RFX1: variants seen among roughly 807,000 people sequenced by gnomAD.
RFX1 encodes the protein MHC class II regulatory factor RFX1.
In RFX1, 42 loss-of-function variants were observed where a neutral mutation model predicts 119.6. The ratio of observed to expected loss-of-function variants is 0.35; its 90% CI spans 0.27 to 0.45. The LOEUF (loss-of-function observed/expected upper bound fraction) is 0.45. Ranked by LOEUF, RFX1 falls within the 20% of genes least tolerant of loss-of-function variation. The probability of loss-of-function intolerance (pLI) is 1.00; values close to 1 mark genes in which losing one functional copy is unlikely to be tolerated. For synonymous variants in RFX1, 628 were observed against 618.5 expected (o/e 1.02, Z -0.23); for missense variants, 1,118 against 1,368.1 (o/e 0.82, Z 2.88).
rs1973712326 is a variant in RFX1 at position 13,962,350 on chromosome 19, C to A, written c.*345G>T. On this transcript the variant is annotated 3_prime_UTR_variant, in exon 21 of 21. Coordinates refer to ENST00000254325, the MANE Select transcript of RFX1 (RefSeq NM_002918.5). The stretch of plus-strand genomic sequence containing the variant: ...TTAACAGTTTCGCACGGGAGGGGGC[C>A]TGCCTGCCTGCCCCCTGGGGTGGTG... 5.8e-6 allele frequency: 2 copies of A among 341,926 alleles called. No homozygotes were observed. The highest frequency in any genetic ancestry group is 1.1e-5 in the Non-Finnish European group (2 of 186,100). 21.2% of individuals were successfully genotyped at this position (341,926 alleles called of 1,614,324 possible).
chr19:13,985,623 T>C lies in RFX1; in HGVS notation c.320-2028A>G, dbSNP rs1465760400. Among the ~76,000 whole-genome samples the C allele has an allele frequency of 6.6e-6, 1 of 152,154 alleles. No homozygotes were observed. The highest frequency in any genetic ancestry group is 1.5e-5 in the Non-Finnish European group (1 of 68,006). ...GGGCCCACACGAACCTCATACCACA[T>C]ATGGAACCGGAGTCACTGGTTCTGC... On this transcript the variant is annotated intron_variant, in intron 2 of 20. Transcript: ENST00000254325. This position sits in a 1 kb window ranked among gnomAD's most constrained non-coding sequence, Gnocchi z 4.3.
chr19:13,984,851 C>T (rs1974543740), intron 2 of RFX1, among the ~76,000 whole-genome samples: 1 of 152,180 alleles, frequency 6.6e-6, no homozygotes. Flanking sequence ...CTCTGGACAG[C>T]CAGAGATAGA....
intron 1 of RFX1, among the ~76,000 whole-genome samples, chr19:13,994,931 T>TAAAA (rs1555756382): frequency 5.2e-4 from 59 of 114,562 alleles, no homozygotes; most frequent in African/African-American, 2.0e-3. Context: ...TATATATATA[T>TAAAA]ATATATAATC....
intron 1 of RFX1, among the ~76,000 whole-genome samples, chr19:13,995,885 G>A (rs557350585): frequency 2.0e-5 from 3 of 147,756 alleles, no homozygotes; most frequent in East Asian, 3.9e-4. Flanking sequence ...AAAATTAAAC[G>A]GGAGTGGTGG....
At position 13,979,588 on chromosome 19, in the gene RFX1, C is replaced by G. The variant is rs756646205; in HGVS notation, c.739-46G>C. On this transcript the variant is annotated intron_variant, in intron 6 of 20. Coordinates refer to ENST00000254325, the MANE Select transcript of RFX1 (RefSeq NM_002918.5). ...ATAAGATGACCATGGCAACGATGGC[C>G]GTCAACCTACCCAGCCCCTGCACAG... 26 of 1,394,970 alleles carry G rather than the reference C, an allele frequency of 1.9e-5. No homozygotes were observed. The South Asian group carries it at 3.2e-4, about 17-fold the overall frequency. The allele number at this position is 1,394,970 out of a possible 1,614,324, so 86.4% of individuals were successfully genotyped here.
intron 8 of RFX1, among the ~76,000 whole-genome samples, chr19:13,975,376 A>T (rs555270926): frequency 1.3e-5 from 2 of 152,090 alleles, no homozygotes; most frequent in South Asian, 4.2e-4. Context: ...AAAAAAAAAA[A>T]AATTAAACAT....
chr19:14,001,427 A>G (rs751757057), intron 1 of RFX1, among the ~76,000 whole-genome samples: 20 of 152,078 alleles, frequency 1.3e-4, no homozygotes, highest in Non-Finnish European at 2.5e-4. Flanking sequence ...CAGCCTCCAC[A>G]GTATATGGGA....
Position 13,980,723 on chromosome 19 carries a change from G to A in RFX1, c.622-34C>T, listed in dbSNP as rs1030856985. 9.9e-6 allele frequency: 15 copies of A among 1,510,298 alleles called. No individual in the cohort carries two copies. Among genetic ancestry groups the A allele is most frequent in the Non-Finnish European group, 1.4e-5 (15 of 1,103,672 alleles). 93.6% of individuals were successfully genotyped at this position (1,510,298 alleles called of 1,614,324 possible). ...GAAGGAGACACAGGAGTGCCGCTGG[G>A]GTGGGCTTGCATCCTCTCTGAGGTG... On this transcript the variant is annotated intron_variant, in intron 5 of 20. Coordinates refer to ENST00000254325, the MANE Select transcript of RFX1 (RefSeq NM_002918.5). The surrounding 1 kb of genome is among the most constrained non-coding windows in gnomAD (Gnocchi z 5.1).
intron 8 of RFX1, among the ~76,000 whole-genome samples, chr19:13,975,353 C>T (rs1414232096): frequency 6.7e-6 from 1 of 148,238 alleles, no homozygotes; most frequent in Admixed American, 6.7e-5. Context: ...AAGAGGGAAA[C>T]TCTATCTCAA....
Position 13,969,988 on chromosome 19 carries a change from C to T in RFX1, c.1496+6G>A, listed in dbSNP as rs774836575. On this transcript the variant is annotated splice_donor_region_variant and intron_variant, in intron 10 of 20. Coordinates refer to ENST00000254325, the MANE Select transcript of RFX1 (RefSeq NM_002918.5). This position sits in a 1 kb window ranked among gnomAD's most constrained non-coding sequence, Gnocchi z 4.5. Reference sequence around the variant, plus strand: ...GGGACTGCTGGGAGTAGACGGATGGCCCTACCTGGTGCCCAGACGGCGGGT... The same window carrying T: ...GGGACTGCTGGGAGTAGACGGATGGTCCTACCTGGTGCCCAGACGGCGGGT... 1.9e-6 allele frequency: 3 copies of T among 1,604,532 alleles called. No individual in the cohort carries two copies. Among genetic ancestry groups the T allele is most frequent in the Admixed American group, 3.4e-5 (2 of 59,428 alleles).
chr19:13,996,602 C>T (rs560713363), intron 1 of RFX1, among the ~76,000 whole-genome samples: 2 of 152,202 alleles, frequency 1.3e-5, no homozygotes, highest in South Asian at 4.1e-4. Flanking sequence ...GAGGGGTAGG[C>T]TGCTGAAAGC....
Position 13,973,092 on chromosome 19 carries a change from A to C in RFX1, c.965T>G (p.Leu322Arg). The C allele has an allele frequency of 6.3e-7, 1 of 1,599,680 alleles. No homozygotes were observed. The highest frequency in any genetic ancestry group is 8.5e-7 in the Non-Finnish European group (1 of 1,179,548). ...SSTYSYPETP[L>R]YTQTASTSYY... The stretch of plus-strand genomic sequence containing the variant: ...GCTGGTGCTTGCCGTCTGCGTGTAC[A>C]GCGGCGTCTCGGGATAGGAGTAGGT... Residue 322 changes from leucine (L) to arginine (R), a missense_variant, in exon 9 of 21, where the codon CTG becomes CGG. Leu to Arg is a moderately radical substitution (Grantham distance 102). Around this residue, in one of 5 missense-constraint regions of RFX1, gnomAD observed 542 missense variants for 602.7 expected, o/e 0.90. Coordinates refer to ENST00000254325, the MANE Select transcript of RFX1 (RefSeq NM_002918.5).
Position 13,968,509 on chromosome 19 carries a change from G to GTC in RFX1, c.1732+54_1732+55dup, listed in dbSNP as rs1015443052. On this transcript the variant is annotated intron_variant, in intron 12 of 20. Coordinates refer to ENST00000254325, the MANE Select transcript of RFX1 (RefSeq NM_002918.5). This position sits in a 1 kb window ranked among gnomAD's most constrained non-coding sequence, Gnocchi z 5.5. ...CTGCCGCCATCCAGCTTTGGGAACCGTCTGCACGGGGCAGGGAGGCGGTGG... is the reference window on the plus strand; with the variant it reads ...CTGCCGCCATCCAGCTTTGGGAACCGTCTCTGCACGGGGCAGGGAGGCGGTGG... 51 of 1,423,282 alleles carry GTC rather than the reference G, an allele frequency of 3.6e-5. No individual in the cohort carries two copies. The Admixed American group carries it at 8.4e-4, about 23-fold the overall frequency. 88.2% of individuals were successfully genotyped at this position (1,423,282 alleles called of 1,614,324 possible).
chr19:13,965,678 C>T lies in RFX1; in HGVS notation c.2061G>A (p.Leu687=), dbSNP rs1348808069. 8 of 1,613,768 alleles carry T rather than the reference C, an allele frequency of 5.0e-6. No individual in the cohort carries two copies. Among genetic ancestry groups the T allele is most frequent in the African/African-American group, 1.3e-5 (1 of 74,916 alleles). The part of the protein sequence containing the change: ...LQWTKHCDNV[L]YQGLVEILIP... Reference sequence around the variant, plus strand: ...TGAGGATTTCCACCAGGCCCTGGTACAGCACGTTGTCACAGTGCTTGGTCC... The same window carrying T: ...TGAGGATTTCCACCAGGCCCTGGTATAGCACGTTGTCACAGTGCTTGGTCC... Residue 687 remains leucine, a synonymous_variant, in exon 15 of 21, where the codon CTG becomes CTA. Coordinates refer to ENST00000254325, the MANE Select transcript of RFX1 (RefSeq NM_002918.5). This position sits in a 1 kb window ranked among gnomAD's most constrained non-coding sequence, Gnocchi z 4.7.
intron 17 of RFX1, 51 bp from the exon 18 acceptor site, chr19:13,963,797 C>T (rs113647736): frequency 4.0e-6 from 6 of 1,496,878 alleles, no homozygotes; most frequent in South Asian, 1.3e-5. Context: ...CCGTCACCCC[C>T]GCCTGGCCCG....
rs1056650526 is a variant in RFX1, at chr19:13,978,143, C to T, written c.835-57G>A. The T allele has an allele frequency of 2.8e-5, 38 of 1,336,400 alleles. No individual in the cohort carries two copies. The African/African-American group carries it at 5.3e-4, about 19-fold the overall frequency. 82.8% of individuals were successfully genotyped at this position (1,336,400 alleles called of 1,614,324 possible). A position where few individuals can be genotyped will look rare whatever the true frequency, so the allele number is the denominator to read the frequency against. ...GGGGTGGGCCAGCTCCTACGGTTCT[C>T]CCTCTAAAGGGCTGGTGCCCACCCA... On this transcript the variant is annotated intron_variant, in intron 7 of 20. Coordinates refer to ENST00000254325, the MANE Select transcript of RFX1 (RefSeq NM_002918.5).
chr19:13,972,828 G>T lies in RFX1; in HGVS notation c.1229C>A (p.Ala410Glu). The T allele has an allele frequency of 6.3e-7, 1 of 1,599,506 alleles. No homozygotes were observed. The highest frequency in any genetic ancestry group is 8.5e-7 in the Non-Finnish European group (1 of 1,174,658). Residue 410 changes from alanine to glutamate, a missense_variant, in exon 9 of 21, where the codon GCA (alanine) becomes GAA (glutamate). By Grantham distance (107) the Ala-to-Glu change is moderately radical. This residue lies in a region of RFX1 where 542 missense variants were observed against 602.7 expected (regional missense o/e 0.90). Transcript: ENST00000254325. ...SGSTGGGGSGAGTYVIQGGYM... is the reference protein window; with the variant it reads ...SGSTGGGGSGEGTYVIQGGYM... ...GCCGCCTTGGATCACGTAGGTGCCT[G>T]CTCCGCTGCCGCCGCCTCCGGTGCT...
At position 13,997,460 on chromosome 19, in the gene RFX1, G is replaced by A. The variant is rs150190041; in HGVS notation, c.-52-3565C>T. Among the ~76,000 whole-genome samples the A allele has an allele frequency of 1.8e-4, 27 of 152,350 alleles. No homozygotes were observed. The Middle Eastern group carries it at 0.014, about 77-fold the overall frequency. On this transcript the variant is annotated intron_variant, in intron 1 of 20. Coordinates refer to ENST00000254325, the MANE Select transcript of RFX1 (RefSeq NM_002918.5). ...CAAGCTGATCCTGTGGGCAGTGTGT[G>A]GCCAGGCACCTGGCATGCTGTAAGC...
At chr19:14,001,418 A>C (rs1395572227) in intron 1 of RFX1, among the ~76,000 whole-genome samples, 1 of 152,184 alleles carries the variant, frequency 6.6e-6, no homozygotes, top group African/African-American at 2.4e-5. Flanking sequence ...CTCCGGCCTC[A>C]GCCTCCACAG....
Sources: gnomAD v4.1 joint callset for allele counts (sites outside exome capture counted in the v4.1 genomes callset) on GRCh38, gnomAD v4.1.1 for gene constraint, gnomAD v4.1.1 regional missense constraint, Gnocchi (gnomAD v3.1) non-coding constraint, MANE v1.5 for transcripts, NCBI Gene and HGNC (gene_info 2026-07-23, HGNC 2026-07-21) for gene names.